CDH10: variants seen among roughly 807,000 people sequenced by gnomAD.
CDH10 encodes cadherin 10.
Under a neutral mutation model 73.1 loss-of-function variants are expected in CDH10, and 30 were observed. The observed-to-expected ratio is 0.41, with a 90% CI of 0.31 to 0.56. The LOEUF (loss-of-function observed/expected upper bound fraction) is 0.56, where lower values mean the gene tolerates loss of function less well. CDH10 is among the 20% of genes least tolerant of loss of function. The probability of loss-of-function intolerance (pLI) is 0.27; values close to 1 mark genes in which losing one functional copy is unlikely to be tolerated. For missense variants in CDH10, 815 were observed against 973.7 expected (o/e 0.84, Z 2.17); for synonymous variants, 345 against 348.2 (o/e 0.99, Z 0.10).
Position 24,487,977 on chromosome 5 carries a change from T to G in CDH10, c.2053A>C (p.Lys685Gln). The G allele has an allele frequency of 1.9e-6, 3 of 1,613,888 alleles. No individual in the cohort carries two copies. Among genetic ancestry groups the G allele is most frequent in the Admixed American group, 1.7e-5 (1 of 59,968 alleles). ...LRNPAAIEEK[K>Q]LRRDIIPETL... Reference sequence around the variant, plus strand: ...TCTGGAATAATATCTCGCCGGAGCTTTTTTTCCTCAATGGCTGCAGGATTC... The same window carrying G: ...TCTGGAATAATATCTCGCCGGAGCTGTTTTTCCTCAATGGCTGCAGGATTC... The change falls in exon 12 of 12, where the codon AAG (lysine) becomes CAG (glutamine). Residue 685 changes from lysine to glutamine, a missense_variant. This residue lies in a region of CDH10 where 241 missense variants were observed against 240.3 expected (regional missense o/e 1.00). Coordinates refer to ENST00000264463, the MANE Select transcript of CDH10 (RefSeq NM_006727.5).
chr5:24,609,844 A>G (rs1032915401), intron 1 of CDH10: 1 of 152,258 alleles, frequency 6.6e-6, no homozygotes. Flanking sequence ...CTGGCTTCGC[A>G]TCGATGATCA....
At chr5:24,572,430 T>C (rs935040967) in intron 2 of CDH10, among the ~76,000 whole-genome samples, 2 of 151,952 alleles carry the variant, frequency 1.3e-5, no homozygotes, top group Admixed American at 6.6e-5. Flanking sequence ...AATTTTAAAA[T>C]ATCAGGAGAA....
At chr5:24,498,277 A>G in intron 9 of CDH10, 121 bp downstream of exon 9, 1 of 531,148 alleles carries the variant, frequency 1.9e-6, no homozygotes, top group East Asian at 3.0e-5. Flanking sequence ...TTTAAAAATT[A>G]TATTGGGACT....
chr5:24,530,940 A>G (rs1217706154), intron 5 of CDH10, among the ~76,000 whole-genome samples: 2 of 152,098 alleles, frequency 1.3e-5, no homozygotes, highest in Non-Finnish European at 2.9e-5. Flanking sequence ...GTTAATGGCA[A>G]TGATAATTTA....
chr5:24,616,064 T>C (rs926047302), intron 1 of CDH10, among the ~76,000 whole-genome samples: 1 of 150,636 alleles, frequency 6.6e-6, no homozygotes, highest in Non-Finnish European at 1.5e-5. Flanking sequence ...ATTTTGTTTA[T>C]GTTCTTTAAA....
chr5:24,634,999 A>G (rs962604225), intron 1 of CDH10, among the ~76,000 whole-genome samples: 2 of 62,322 alleles, frequency 3.2e-5, no homozygotes, highest in Non-Finnish European at 4.2e-5. Flanking sequence ...AATAGAGCCA[A>G]AAAAGGAAAA....
chr5:24,588,180 T>C lies in CDH10; in HGVS notation c.231+5080A>G, dbSNP rs78020440. On this transcript the variant is annotated intron_variant, in intron 2 of 11. Coordinates refer to ENST00000264463, the MANE Select transcript of CDH10 (RefSeq NM_006727.5). ...TTTAACCCAAAGGAGTCTCTGTCAATGTCTATCACATCAACCTGATTAATG... is the reference window on the plus strand; with the variant it reads ...TTTAACCCAAAGGAGTCTCTGTCAACGTCTATCACATCAACCTGATTAATG... 8.7e-3 allele frequency among the ~76,000 whole-genome samples: 1,328 copies of C among 152,320 alleles called. 66 individuals are homozygous for C. The East Asian group carries it at 0.13, about 15-fold the overall frequency.
intron 1 of CDH10, among the ~76,000 whole-genome samples, chr5:24,634,815 A>G (rs1200207385): frequency 6.6e-6 from 1 of 151,764 alleles, no homozygotes; most frequent in African/African-American, 2.4e-5. Context: ...TCCCTGAGCT[A>G]TAAATAAAAC....
chr5:24,635,804 A>G lies in CDH10; in HGVS notation c.-124+8790T>C, dbSNP rs1747849197. On this transcript the variant is annotated intron_variant, in intron 1 of 11. Transcript: ENST00000264463. ...ATCATAGACTTATGAGCCCTTTCCA[A>G]TTATAATAATAGATAAGTCAACTGT... Among the ~76,000 whole-genome samples, 10 of 152,040 alleles carry G rather than the reference A, an allele frequency of 6.6e-5. No homozygotes were observed. The South Asian group carries it at 2.1e-3, about 32-fold the overall frequency.
chr5:24,539,201 G>C (rs763705852), intron 2 of CDH10, among the ~76,000 whole-genome samples: 6 of 151,856 alleles, frequency 4.0e-5, no homozygotes, highest in Middle Eastern at 6.3e-3. Context: ...AAAATACATA[G>C]AGTTACGTAT....
intron 2 of CDH10, among the ~76,000 whole-genome samples, chr5:24,563,561 C>G (rs1745040839): frequency 1.5e-5 from 2 of 131,682 alleles, no homozygotes; most frequent in Non-Finnish European, 3.1e-5. Flanking sequence ...GGAGACCATC[C>G]TGTAACACGG....
At chr5:24,579,140 AAAG>A (rs200401892) in intron 2 of CDH10, among the ~76,000 whole-genome samples, 2,716 of 152,012 alleles carry the variant, frequency 0.018, 47 homozygotes, top group South Asian at 0.053. Flanking sequence ...TTATGAGTAA[AAAG>A]AAGACACTAT....
intron 5 of CDH10, among the ~76,000 whole-genome samples, chr5:24,528,015 T>G (rs1743593688): frequency 6.6e-6 from 1 of 151,874 alleles, no homozygotes; most frequent in Admixed American, 6.6e-5. Context: ...TCTTGGCACA[T>G]AGTAGGGCTT....
At chr5:24,562,030 T>G (rs57989897) in intron 2 of CDH10, among the ~76,000 whole-genome samples, 14,630 of 148,036 alleles carry the variant, frequency 0.099, 1,279 homozygotes, top group African/African-American at 0.24. Flanking sequence ...GTTTCTAATT[T>G]GCTGGATGCA....
chr5:24,549,787 G>A (rs1744479511), intron 2 of CDH10, among the ~76,000 whole-genome samples: 1 of 151,846 alleles, frequency 6.6e-6, no homozygotes, highest in South Asian at 2.1e-4. Flanking sequence ...CCTGACCTCA[G>A]GTGAGCTGCT....
intron 1 of CDH10, among the ~76,000 whole-genome samples, chr5:24,594,432 A>AT (rs113385096): frequency 0.16 from 23,866 of 150,908 alleles, 2,859 homozygotes; most frequent in African/African-American, 0.34. Context: ...AGATCATGTC[A>AT]TTTTTTTTTC....
chr5:24,582,993 G>A (rs138690481), intron 2 of CDH10, among the ~76,000 whole-genome samples: 1,688 of 152,034 alleles, frequency 0.011, 20 homozygotes, highest in Non-Finnish European at 0.015. Flanking sequence ...GTTTCTACTT[G>A]TAGTCATATT....
At chr5:24,586,130 A>G (rs2112072059) in intron 2 of CDH10, among the ~76,000 whole-genome samples, 1 of 152,320 alleles carries the variant, frequency 6.6e-6, no homozygotes, top group East Asian at 1.9e-4. Flanking sequence ...ATACATTCTT[A>G]CAGCTCAATT....
intron 5 of CDH10, among the ~76,000 whole-genome samples, chr5:24,532,209 A>T (rs1283911643): frequency 6.6e-6 from 1 of 152,108 alleles, no homozygotes; most frequent in Non-Finnish European, 1.5e-5. Context: ...GGATCAGCCA[A>T]CCTAAAGGAA....
Sources: allele counts gnomAD v4.1 joint callset (sites outside exome capture counted in the v4.1 genomes callset), GRCh38; gene constraint gnomAD v4.1.1; regional missense constraint gnomAD v4.1.1; transcripts MANE v1.5; gene names NCBI Gene and HGNC (gene_info 2026-07-23, HGNC 2026-07-21).